Variants in STK11IP observed in about 807,000 individuals in gnomAD.
STK11IP encodes serine/threonine-protein kinase 11-interacting protein.
Under a neutral mutation model 131.7 loss-of-function variants are expected in STK11IP, and 103 were observed. The observed-to-expected ratio is 0.78, with a 90% CI of 0.67 to 0.92. The LOEUF is 0.92. Ranked by LOEUF, STK11IP falls within the 40% of genes least tolerant of loss-of-function variation. The pLI is 0.00. For synonymous variants in STK11IP, 557 were observed against 575.6 expected (o/e 0.97, Z 0.46); for missense variants, 1,315 against 1,385.7 (o/e 0.95, Z 0.81).
In STK11IP at chr2:219,611,984, G is replaced by A. The variant is rs759433952; in HGVS notation, c.2365G>A (p.Asp789Asn). Residue 789 changes from aspartate (D) to asparagine (N), a missense_variant, in exon 19 of 25, where the codon GAC (aspartate) becomes AAC (asparagine). Coordinates refer to ENST00000456909, the MANE Select transcript of STK11IP (RefSeq NM_052902.4). ...PPERCGLRSV[D>N]HRLRLFLDVE... ...TGAGCGCTGTGGCCTCCGCTCTGTG[G>A]ACCACCGACTCCGGCTCTTCCTGGA... 1.2e-6 allele frequency: 2 copies of A among 1,603,054 alleles called. No homozygotes were observed. The highest frequency in any genetic ancestry group is 1.7e-6 in the Non-Finnish European group (2 of 1,175,792).
Position 219,607,129 on chromosome 2 carries a change from C to G in STK11IP, c.1211C>G (p.Ser404Cys), listed in dbSNP as rs542468937. 1.1e-5 allele frequency: 17 copies of G among 1,613,912 alleles called. No homozygotes were observed. Among genetic ancestry groups the G allele is most frequent in the Middle Eastern group, 1.6e-4 (1 of 6,062 alleles). Reference protein sequence around the residue: ...TDPEPRTLNPSPAGWFVQQHP... With the variant: ...TDPEPRTLNPCPAGWFVQQHP... ...CCGGAGCCCCGAACTCTGAACCCCT[C>G]TCCGGCTGGTAAGTCAGCTTCATCC... Residue 404 changes from serine (S) to cysteine (C), a missense_variant, in exon 13 of 25, where the codon TCT (serine) becomes TGT (cysteine). Ser to Cys is a moderately radical substitution (Grantham distance 112). Transcript: ENST00000456909.
Position 219,608,260 on chromosome 2 carries a change from G to T in STK11IP, c.1433G>T (p.Gly478Val), listed in dbSNP as rs1314806457. 3 of 1,613,380 alleles carry T rather than the reference G, an allele frequency of 1.9e-6. No individual in the cohort carries two copies. The highest frequency in any genetic ancestry group is 2.5e-6 in the Non-Finnish European group (3 of 1,179,850). ...RPSPPQEEAR[G>V]PQESPQKMSE... Reference sequence around the variant, plus strand: ...TCACCCCCGCAGGAGGAAGCCAGAGGCCCCCAGGAGTCACCACAGAAAATG... The same window carrying T: ...TCACCCCCGCAGGAGGAAGCCAGAGTCCCCCAGGAGTCACCACAGAAAATG... The change falls in exon 14 of 25, where the codon GGC (glycine) becomes GTC (valine). Residue 478 changes from glycine (G) to valine (V), a missense_variant. Coordinates refer to ENST00000456909, the MANE Select transcript of STK11IP (RefSeq NM_052902.4).
intron 2 of STK11IP, among the ~76,000 whole-genome samples, chr2:219,599,051 G>A (rs1057489861): frequency 7.2e-5 from 11 of 152,098 alleles, no homozygotes; most frequent in Admixed American, 7.2e-4. Flanking sequence ...TCCTATTGAC[G>A]ATATCTGTGG....
chr2:219,602,045 G>A lies in STK11IP; in HGVS notation c.400G>A (p.Glu134Lys). Residue 134 changes from glutamate to lysine, a missense_variant, in exon 5 of 25, where the codon GAG becomes AAG. Coordinates refer to ENST00000456909, the MANE Select transcript of STK11IP (RefSeq NM_052902.4). ...CCTCCGAGGCATCTACTCCCAGCTG[G>A]AGACCCTGATTTGCAGCAGGAGCCT... ...HGLRGIYSQL[E>K]TLICSRSLQA... 6.2e-7 allele frequency: 1 copy of A among 1,611,028 alleles called. No individual in the cohort carries two copies. Among genetic ancestry groups the A allele is most frequent in the South Asian group, 1.1e-5 (1 of 90,242 alleles).
chr2:219,608,650 C>A lies in STK11IP; in HGVS notation c.1671C>A (p.Cys557Ter). 6.2e-7 allele frequency: 1 copy of A among 1,613,456 alleles called. No homozygotes were observed. Among genetic ancestry groups the A allele is most frequent in the Non-Finnish European group, 8.5e-7 (1 of 1,179,712 alleles). ...EGPEGVRGRE[C>*]FLRVTSAHLF... ...CTGAGGGCGTACGGGGCAGGGAATG[C>A]TTTCTCAGGGTCACTTCTGCCCACC... Residue 557 changes from cysteine to a stop codon, truncating the protein, a stop_gained, in exon 15 of 25, where the codon TGC (cysteine) becomes TGA (stop). Coordinates refer to ENST00000456909, the MANE Select transcript of STK11IP (RefSeq NM_052902.4). LOFTEE classifies it high-confidence loss of function.
In STK11IP at chr2:219,606,520, C is replaced by T. The variant is rs373161266; in HGVS notation, c.987+3C>T. ...TCTTGTCACTGACAGATTTTCAGGTCGGTGTGGTTGGGGGGCGAGGACTGT... is the reference window on the plus strand; with the variant it reads ...TCTTGTCACTGACAGATTTTCAGGTTGGTGTGGTTGGGGGGCGAGGACTGT... On this transcript the variant is annotated splice_donor_region_variant and intron_variant, in intron 11 of 24. Coordinates refer to ENST00000456909, the MANE Select transcript of STK11IP (RefSeq NM_052902.4). The T allele has an allele frequency of 1.6e-4, 258 of 1,612,492 alleles. No individual in the cohort carries two copies. The African/African-American group carries it at 1.7e-3, about 11-fold the overall frequency.
At chr2:219,605,310 TC>T (rs1698114623) in intron 7 of STK11IP, among the ~76,000 whole-genome samples, 2 of 152,190 alleles carry the variant, frequency 1.3e-5, no homozygotes, top group Non-Finnish European at 2.9e-5. Context: ...CGGGGCCCTA[TC>T]TTCAGGAGTT....
rs370813924 is a variant in STK11IP, at chr2:219,601,410, C to G, written c.237C>G (p.Phe79Leu). ...SPVILQLQFLFDVLQKTLSLK... is the reference protein window; with the variant it reads ...SPVILQLQFLLDVLQKTLSLK... ...TTATTCTTCAGCTTCAGTTTCTCTT[C>G]GATGTGCTGCAGAAAACACTTTCAC... Residue 79 changes from phenylalanine (F) to leucine (L), a missense_variant, in exon 3 of 25, where the codon TTC (phenylalanine) becomes TTG (leucine). By Grantham distance (22) the Phe-to-Leu change is conservative. Coordinates refer to ENST00000456909, the MANE Select transcript of STK11IP (RefSeq NM_052902.4). 1 of 1,614,008 alleles carries G rather than the reference C, an allele frequency of 6.2e-7. No individual in the cohort carries two copies. The highest frequency in any genetic ancestry group is 8.5e-7 in the Non-Finnish European group (1 of 1,179,906).
At chr2:219,615,384 G>A in intron 24 of STK11IP, 43 bp downstream of exon 24, 1 of 1,572,932 alleles carries the variant, frequency 6.4e-7, no homozygotes. Context: ...AGGGGAGATG[G>A]TGAGCACAGG....
At position 219,606,501 on chromosome 2, in the gene STK11IP, C is replaced by T. The variant is rs760338662; in HGVS notation, c.971C>T (p.Ser324Leu). ...TTCCTTCTCGATGGCAAGGTCTTGT[C>T]ACTGACAGATTTTCAGGTCGGTGTG... Reference protein sequence around the residue: ...TGFLLDGKVLSLTDFQTHTSL... With the variant: ...TGFLLDGKVLLLTDFQTHTSL... Residue 324 changes from serine (S) to leucine (L), a missense_variant, in exon 11 of 25, where the codon TCA becomes TTA. Physicochemically the swap from Ser to Leu is moderately radical, Grantham distance 145. Coordinates refer to ENST00000456909, the MANE Select transcript of STK11IP (RefSeq NM_052902.4). The T allele has an allele frequency of 2.5e-6, 4 of 1,612,556 alleles. No homozygotes were observed. The African/African-American group carries it at 4.0e-5, about 16-fold the overall frequency.
In STK11IP at chr2:219,612,026, G is replaced by A. The variant is rs528373192; in HGVS notation, c.2407G>A (p.Asp803Asn). The A allele has an allele frequency of 1.5e-5, 24 of 1,604,892 alleles. No homozygotes were observed. Among genetic ancestry groups the A allele is most frequent in the African/African-American group, 5.3e-5 (4 of 74,902 alleles). The change falls in exon 19 of 25, where the codon GAT (aspartate) becomes AAT (asparagine). Residue 803 changes from aspartate to asparagine, a missense_variant. By Grantham distance (23) the Asp-to-Asn change is conservative (BLOSUM62 1). Transcript: ENST00000456909. ...CTTCCTGGATGTTGAGGTGTTCAGCGATGCCCAGGAGGAGTTCCAGTGCTG... is the reference window on the plus strand; with the variant it reads ...CTTCCTGGATGTTGAGGTGTTCAGCAATGCCCAGGAGGAGTTCCAGTGCTG... ...RLFLDVEVFSDAQEEFQCCLK... is the reference protein window; with the variant it reads ...RLFLDVEVFSNAQEEFQCCLK...
intron 11 of STK11IP, 82 bp downstream of exon 11, chr2:219,606,599 G>A: frequency 6.2e-7 from 1 of 1,607,342 alleles, no homozygotes; most frequent in Non-Finnish European, 8.5e-7. Flanking sequence ...GCTGGCTGGT[G>A]ACAGGGTCTT....
chr2:219,615,362 TGAGA>T, intron 24 of STK11IP, 21 bp downstream of exon 24: 1 of 1,584,862 alleles, frequency 6.3e-7, no homozygotes, highest in Admixed American at 1.7e-5. Context: ...GTATCTCCAG[TGAGA>T]GGGAGGGAGG....
chr2:219,609,499 TAGAC>T lies in STK11IP; in HGVS notation c.2066_2069del (p.Asp689ValfsTer150), dbSNP rs774257705. On this transcript the variant is annotated frameshift_variant, in exon 17 of 25. Coordinates refer to ENST00000456909, the MANE Select transcript of STK11IP (RefSeq NM_052902.4). LOFTEE classifies it high-confidence loss of function. ...AAGCCAGAGGAGCCCAGGATGGGAT[TAGAC>T]AGTGAGGAAGGCTGGAGGCCTCTGT... 1.3e-6 allele frequency: 2 copies of T among 1,595,290 alleles called. No individual in the cohort carries two copies. Among genetic ancestry groups the T allele is most frequent in the African/African-American group, 2.7e-5 (2 of 74,740 alleles).
At position 219,609,077 on chromosome 2, in the gene STK11IP, G is replaced by A; in HGVS notation, c.1810-20G>A. 6.5e-7 allele frequency: 1 copy of A among 1,548,192 alleles called. No homozygotes were observed. The highest frequency in any genetic ancestry group is 8.8e-7 in the Non-Finnish European group (1 of 1,138,144). ...CACCGCCCCTGCTGTTTTTCACCCGGTCCCCCTCTTGCTGCGCAGGGCTCA... is the reference window on the plus strand; with the variant it reads ...CACCGCCCCTGCTGTTTTTCACCCGATCCCCCTCTTGCTGCGCAGGGCTCA... On this transcript the variant is annotated intron_variant, in intron 15 of 24. Coordinates refer to ENST00000456909, the MANE Select transcript of STK11IP (RefSeq NM_052902.4).
chr2:219,609,355 T>C lies in STK11IP; in HGVS notation c.1927-8T>C, dbSNP rs1214181832. On this transcript the variant is annotated splice_region_variant and splice_polypyrimidine_tract_variant and intron_variant, in intron 16 of 24. Coordinates refer to ENST00000456909, the MANE Select transcript of STK11IP (RefSeq NM_052902.4). Reference sequence around the variant, plus strand: ...GCTCACAGCTGCCTCTGATCCACCCTCTGTCAGGAGCTGCTTGCCGTGTTG... The same window carrying C: ...GCTCACAGCTGCCTCTGATCCACCCCCTGTCAGGAGCTGCTTGCCGTGTTG... 3.1e-6 allele frequency: 5 copies of C among 1,613,180 alleles called. No individual in the cohort carries two copies. The highest frequency in any genetic ancestry group is 3.4e-6 in the Non-Finnish European group (4 of 1,179,492).
At chr2:219,612,215 C>T (rs1698422572) in intron 19 of STK11IP, among the ~76,000 whole-genome samples, 157 bp downstream of exon 19, 1 of 152,194 alleles carries the variant, frequency 6.6e-6, no homozygotes, top group African/African-American at 2.4e-5. Flanking sequence ...GGACACATTC[C>T]CTGGTATTTG....
rs375468291 is a variant in STK11IP at position 219,608,054 on chromosome 2, C to T, written c.1227C>T (p.Phe409=). The T allele has an allele frequency of 1.0e-4, 169 of 1,611,034 alleles. No individual in the cohort carries two copies. Among genetic ancestry groups the T allele is most frequent in the Middle Eastern group, 6.2e-4 (3 of 4,836 alleles). ...RTLNPSPAGW[F]VQQHPELELM... ...GGTTCCCCTCCTGCCTAGGATGGTT[C>T]GTGCAGCAGCACCCGGAGCTGGAGC... Residue 409 remains phenylalanine (F), a synonymous_variant, in exon 14 of 25, where the codon TTC becomes TTT. Coordinates refer to ENST00000456909, the MANE Select transcript of STK11IP (RefSeq NM_052902.4).
chr2:219,613,260 G>T (rs533409154), intron 20 of STK11IP, 35 bp downstream of exon 20: 2 of 1,050,426 alleles, frequency 1.9e-6, no homozygotes, highest in East Asian at 3.6e-5. Context: ...AGTAAGGGGG[G>T]AGATGGGGTG....
Sources: gnomAD v4.1 joint callset for allele counts (sites outside exome capture counted in the v4.1 genomes callset) on GRCh38, gnomAD v4.1.1 for gene constraint, MANE v1.5 for transcripts, NCBI Gene and HGNC (gene_info 2026-07-23, HGNC 2026-07-21) for gene names.